GPC3: variants seen among roughly 807,000 people sequenced by gnomAD.
GPC3 encodes glypican-3.
A neutral mutation model predicts 34.4 loss-of-function variants in GPC3; 3 were observed. The observed-to-expected ratio is 0.09, with a 90% CI of 0.04 to 0.23. The LOEUF is 0.23. Ranked by LOEUF, GPC3 falls within the 10% of genes least tolerant of loss-of-function variation. The pLI is 1.00. For missense variants in GPC3, 351 were observed against 445.6 expected (o/e 0.79, Z 1.91); for synonymous variants, 177 against 174.0 (o/e 1.02, Z -0.13).
chrX:133,929,328 TTTTTG>T (rs1288685986), intron 2 of GPC3, among the ~76,000 whole-genome samples: 1 of 112,343 alleles, frequency 8.9e-6, no homozygotes, highest in Non-Finnish European at 1.9e-5. Flanking sequence ...TGTTTCTTTC[TTTTTG>T]TTTTTTCATT....
chrX:133,966,866 T>G (rs1256026051), intron 1 of GPC3, among the ~76,000 whole-genome samples: 1 of 112,410 alleles, frequency 8.9e-6, no homozygotes, highest in Non-Finnish European at 1.9e-5. Flanking sequence ...AACTTGAGTA[T>G]CTGAAGGACT....
intron 1 of GPC3, among the ~76,000 whole-genome samples, chrX:133,972,253 A>G (rs868508146): frequency 2.0e-4 from 23 of 112,582 alleles, no homozygotes; most frequent in African/African-American, 7.4e-4. Flanking sequence ...GAAGTTTGAA[A>G]ACAAAGCAGA....
chrX:133,985,396 C>T lies in GPC3; in HGVS notation c.54G>A (p.Leu18=). The change falls in exon 1 of 8, where the codon TTG becomes TTA. Residue 18 remains leucine (L), a synonymous_variant. Transcript: ENST00000370818. The part of the protein sequence containing the change: ...ACLVVAMLLS[L]DFPGQAQPPP... ...GGGGCTGCGCCTGTCCCGGGAAGTC[C>T]AAGCTGAGCAGCATCGCCACCACCA... is the stretch of plus-strand genomic sequence containing the variant. 1 of 1,191,344 alleles carries T rather than the reference C, an allele frequency of 8.4e-7. No homozygotes were observed.
chrX:133,960,410 G>A lies in GPC3; in HGVS notation c.176-7199C>T, dbSNP rs370045677. Among the ~76,000 whole-genome samples, 6 of 111,509 alleles carry A rather than the reference G, an allele frequency of 5.4e-5. No homozygotes were observed. In the East Asian group the frequency reaches 1.1e-3, roughly 21 times the overall value. On this transcript the variant is annotated intron_variant, in intron 1 of 7. Transcript: ENST00000370818. Reference sequence around the variant, plus strand: ...CCCTCAAGGTCACTTCCAGGTCTCTGATTCTCTAATTACCTTTATCATGTT... The same window carrying A: ...CCCTCAAGGTCACTTCCAGGTCTCTAATTCTCTAATTACCTTTATCATGTT...
At chrX:133,923,296 A>G (rs2076259957) in intron 2 of GPC3, among the ~76,000 whole-genome samples, 1 of 112,050 alleles carries the variant, frequency 8.9e-6, no homozygotes. Flanking sequence ...CAAACTTGCT[A>G]AACACAGGAA....
Position 133,885,558 on chromosome X carries a change from AG to A in GPC3, c.337+67491del, listed in dbSNP as rs1482837684. Reference sequence around the variant, plus strand: ...CAACAGATTAAAAGCAGCAAGTTAGAGGGAGAGTGGAGTGTTATTAATAGAC... The same window carrying A: ...CAACAGATTAAAAGCAGCAAGTTAGAGGAGAGTGGAGTGTTATTAATAGAC... On this transcript the variant is annotated intron_variant, in intron 2 of 7. Transcript: ENST00000370818. Among the ~76,000 whole-genome samples the A allele has an allele frequency of 5.4e-5, 6 of 111,836 alleles. No homozygotes were observed. In the East Asian group the frequency reaches 1.7e-3, roughly 31 times the overall value.
At chrX:133,601,792 C>T (rs1347944891) in intron 6 of GPC3, among the ~76,000 whole-genome samples, 1 of 111,557 alleles carries the variant, frequency 9.0e-6, no homozygotes, top group East Asian at 2.8e-4. Context: ...AAATTAGCCT[C>T]GCTAAACTCT....
rs2071027597 is a variant in GPC3, at chrX:133,688,194, A to G, written c.1292+4175T>C. Among the ~76,000 whole-genome samples the G allele has an allele frequency of 2.7e-5, 3 of 111,990 alleles. No individual in the cohort carries two copies. In the South Asian group the frequency reaches 1.1e-3, roughly 42 times the overall value. On this transcript the variant is annotated intron_variant, in intron 5 of 7. Coordinates refer to ENST00000370818, the MANE Select transcript of GPC3 (RefSeq NM_004484.4). ...CTGGAGGATCTTTCTGCCTTTGGCA[A>G]TTTTAGGAAATCTTTGCCTGTAGGA...
chrX:133,831,788 G>T (rs762778430), intron 2 of GPC3, among the ~76,000 whole-genome samples: 1 of 112,628 alleles, frequency 8.9e-6, no homozygotes, highest in Non-Finnish European at 1.9e-5. Context: ...CAAAAGATTT[G>T]AACAGACACT....
chrX:133,753,903 T>C lies in GPC3; in HGVS notation c.611A>G (p.Asp204Gly), dbSNP rs1290496193. Residue 204 changes from aspartate (D) to glycine (G), a missense_variant, in exon 3 of 8, where the codon GAC (aspartate) becomes GGC (glycine). By Grantham distance (94) the Asp-to-Gly change is moderately conservative. Transcript: ENST00000370818. ...INECLRGARR[D>G]LKVFGNFPKL... ...GGGGAAATTCCCAAATACTTTCAGG[T>C]CACGTCTTGCTCCTCGGAGGCACTC... The C allele has an allele frequency of 1.7e-6, 2 of 1,211,741 alleles. No individual in the cohort carries two copies. Among genetic ancestry groups the C allele is most frequent in the East Asian group, 5.9e-5 (2 of 33,836 alleles).
chrX:133,565,596 A>G (rs903866258), intron 7 of GPC3, among the ~76,000 whole-genome samples: 9 of 111,835 alleles, frequency 8.0e-5, no homozygotes, highest in Non-Finnish European at 1.9e-5. Context: ...TTCCCAAGTT[A>G]ATGGTGATGA....
chrX:133,717,167 G>A (rs1225563931), intron 3 of GPC3, among the ~76,000 whole-genome samples: 1 of 109,874 alleles, frequency 9.1e-6, no homozygotes, highest in African/African-American at 3.3e-5. Flanking sequence ...TCACCATGTT[G>A]GCCAGGCTGG....
At chrX:133,747,478 T>G (rs1371111759) in intron 3 of GPC3, among the ~76,000 whole-genome samples, 1 of 112,064 alleles carries the variant, frequency 8.9e-6, no homozygotes, top group East Asian at 2.8e-4. Context: ...AAACTGATTG[T>G]GCAGCTGGAA....
At chrX:133,562,681 T>A (rs902188696) in intron 7 of GPC3, among the ~76,000 whole-genome samples, 24 of 111,730 alleles carry the variant, frequency 2.1e-4, no homozygotes, top group African/African-American at 7.5e-4. Context: ...TCAGTCTCCA[T>A]CTGCGATGTA....
intron 2 of GPC3, among the ~76,000 whole-genome samples, chrX:133,905,864 CA>C (rs2076165632): frequency 9.0e-6 from 1 of 111,713 alleles, no homozygotes; most frequent in Non-Finnish European, 1.9e-5. Context: ...AGGTAAGAAA[CA>C]GAAATCGTTC....
chrX:133,867,973 C>G (rs764888621), intron 2 of GPC3, among the ~76,000 whole-genome samples: 1 of 109,624 alleles, frequency 9.1e-6, no homozygotes, highest in South Asian at 4.1e-4. Flanking sequence ...AGCTCCCCGT[C>G]CATCCCACTG....
At chrX:133,827,944 CA>C (rs760699432) in intron 2 of GPC3, among the ~76,000 whole-genome samples, 3,128 of 35,996 alleles carry the variant, frequency 0.087, 21 homozygotes, top group Middle Eastern at 0.13. Flanking sequence ...AACTCCATCC[CA>C]AAAAAAAAAA....
chrX:133,848,792 T>C (rs1197898360), intron 2 of GPC3, among the ~76,000 whole-genome samples: 2 of 110,923 alleles, frequency 1.8e-5, no homozygotes, highest in East Asian at 5.6e-4. Flanking sequence ...ACCCACTCTC[T>C]AAATATGTCT....
At chrX:133,627,782 C>T (rs1370646273) in intron 6 of GPC3, among the ~76,000 whole-genome samples, 1 of 112,460 alleles carries the variant, frequency 8.9e-6, no homozygotes, top group Non-Finnish European at 1.9e-5. Flanking sequence ...CATTCCAAAT[C>T]CACAAAGGAA....
Sources: allele counts gnomAD v4.1 joint callset (sites outside exome capture counted in the v4.1 genomes callset), GRCh38; gene constraint gnomAD v4.1.1; transcripts MANE v1.5; gene names NCBI Gene and HGNC (gene_info 2026-07-23, HGNC 2026-07-21).